The following LIN28B variants were observed in gnomAD, a reference collection of about 807,000 sequenced individuals.
The protein encoded by LIN28B is lin-28 RNA binding posttranscriptional regulator B.
LIN28B carries 5 observed loss-of-function variants against 21.9 expected under a neutral mutation model. The ratio of observed to expected loss-of-function variants is 0.23; its 90% CI spans 0.12 to 0.48. The LOEUF (loss-of-function observed/expected upper bound fraction) is 0.48. Ranked by LOEUF, LIN28B falls within the 20% of genes least tolerant of loss-of-function variation. LIN28B has a pLI of 0.98. For missense variants in LIN28B, 245 were observed against 310.5 expected (o/e 0.79, Z 1.58); for synonymous variants, 109 against 111.3 (o/e 0.98, Z 0.13).
chr6:105,057,424 A>G (rs1370186159), intron 3 of LIN28B, among the ~76,000 whole-genome samples: 1 of 152,196 alleles, frequency 6.6e-6, no homozygotes. Flanking sequence ...TATACCTAAC[A>G]TGCAGCTCAT....
rs1442291973 is a variant in LIN28B at position 105,026,376 on chromosome 6, G to A, written c.277G>A (p.Gly93Ser). ...VEFTFKKSSK[G>S]LESIRVTGPG... ...ATTCACATTTAAAAAATCTTCCAAA[G>A]GCCTTGAGTCAATACGGGTAACAGG... is the stretch of plus-strand genomic sequence containing the variant. The change falls in exon 3 of 4, where the codon GGC (glycine) becomes AGC (serine). Residue 93 changes from glycine to serine, a missense_variant. Coordinates refer to ENST00000345080, the MANE Select transcript of LIN28B (RefSeq NM_001004317.4). 6.2e-7 allele frequency: 1 copy of A among 1,611,774 alleles called. No homozygotes were observed.
chr6:104,943,958 G>A lies in LIN28B; in HGVS notation c.19-6503G>A, dbSNP rs148080991. Among the ~76,000 whole-genome samples, 52 of 152,126 alleles carry A rather than the reference G, an allele frequency of 3.4e-4. No homozygotes were observed. The East Asian group carries it at 8.5e-3, about 25-fold the overall frequency. Reference sequence around the variant, plus strand: ...TTGTATACATGTACATTATTGTGTTGGATTTCTCTGACACAATGATGCTCG... The same window carrying A: ...TTGTATACATGTACATTATTGTGTTAGATTTCTCTGACACAATGATGCTCG... On this transcript the variant is annotated intron_variant, in intron 2 of 5. Coordinates refer to the LIN28B transcript ENST00000635857.
intron 2 of LIN28B, among the ~76,000 whole-genome samples, chr6:104,991,341 C>T (rs1326680391): frequency 4.1e-5 from 6 of 147,084 alleles, no homozygotes; most frequent in Admixed American, 6.8e-5. Flanking sequence ...TCAGAGTGGG[C>T]GGCCGGGCAG....
intron 2 of LIN28B, among the ~76,000 whole-genome samples, chr6:104,946,449 T>A (rs934955591): frequency 6.6e-6 from 1 of 152,122 alleles, no homozygotes; most frequent in Non-Finnish European, 1.5e-5. Flanking sequence ...ATAATTACAG[T>A]AAGGTTTGTA....
At chr6:104,971,382 G>T in intron 2 of LIN28B, among the ~76,000 whole-genome samples, 1 of 151,756 alleles carries the variant, frequency 6.6e-6, no homozygotes, top group South Asian at 2.1e-4. Context: ...AATGATATTT[G>T]GTCATATGAT....
chr6:105,053,900 C>T lies in LIN28B; in HGVS notation c.384-24514C>T, dbSNP rs146383794. Among the ~76,000 whole-genome samples, 534 of 152,196 alleles carry T rather than the reference C, an allele frequency of 3.5e-3. 5 individuals are homozygous for T. Among genetic ancestry groups the T allele is most frequent in the African/African-American group, 0.012 (508 of 41,532 alleles). On this transcript the variant is annotated intron_variant, in intron 3 of 3. Transcript: ENST00000345080. ...CTGGGTTTATGGGCACCTGCCACCACGCCCAGCTAATTTCTGTATTTTTAG... is the reference window on the plus strand; with the variant it reads ...CTGGGTTTATGGGCACCTGCCACCATGCCCAGCTAATTTCTGTATTTTTAG...
chr6:105,018,614 C>T (rs1771076307), intron 2 of LIN28B, among the ~76,000 whole-genome samples: 1 of 152,032 alleles, frequency 6.6e-6, no homozygotes, highest in Admixed American at 6.6e-5. Context: ...TTATGTATTC[C>T]CTTTCCCTGG....
upstream of LIN28B, among the ~76,000 whole-genome samples, chr6:104,952,969 G>T (rs1333828563): frequency 1.3e-5 from 2 of 152,158 alleles, no homozygotes; most frequent in African/African-American, 4.8e-5. Flanking sequence ...ACTATATTCT[G>T]AAGTGCCTCT....
Position 105,005,690 on chromosome 6 carries a change from G to A in LIN28B, c.199-20608G>A, listed in dbSNP as rs184042768. Among the ~76,000 whole-genome samples the A allele has an allele frequency of 3.3e-5, 5 of 152,036 alleles. No individual in the cohort carries two copies. The East Asian group carries it at 9.6e-4, about 29-fold the overall frequency. ...CTGCCATGACTGTAAGTTTCTTAAG[G>A]CCTCCCACTCATGCTTCCTGTGAAG... On this transcript the variant is annotated intron_variant, in intron 2 of 3. Transcript: ENST00000345080.
rs2114429808 is a variant in LIN28B, at chr6:105,079,885, A to G, written c.*1102A>G. 6.6e-6 allele frequency: 1 copy of G among 152,312 alleles called. No homozygotes were observed. The highest frequency in any genetic ancestry group is 1.5e-5 in the Non-Finnish European group (1 of 68,030). The allele number at this position is 152,312 out of a possible 1,614,324, so 9.4% of individuals were successfully genotyped here. A position where few individuals can be genotyped will look rare whatever the true frequency, so the allele number is the denominator to read the frequency against. On this transcript the variant is annotated 3_prime_UTR_variant, in exon 4 of 4. Coordinates refer to ENST00000345080, the MANE Select transcript of LIN28B (RefSeq NM_001004317.4). ...GAATTAAATACTGGGGTTGAGAATTAAAATTAAGTGGATGTTCACAGTTGC... is the reference window on the plus strand; with the variant it reads ...GAATTAAATACTGGGGTTGAGAATTGAAATTAAGTGGATGTTCACAGTTGC...
chr6:104,966,840 C>T (rs1769870441), intron 2 of LIN28B, among the ~76,000 whole-genome samples: 2 of 152,122 alleles, frequency 1.3e-5, no homozygotes, highest in Non-Finnish European at 2.9e-5. Flanking sequence ...CCAGGATGGT[C>T]TCAATCTCCT....
chr6:104,957,333 C>A, intron 1 of LIN28B, 73 bp downstream of exon 1: 1 of 940,384 alleles, frequency 1.1e-6, no homozygotes, highest in East Asian at 2.7e-5. Context: ...CTCTCCCACC[C>A]TTCTTAGACC....
At chr6:105,070,592 C>CCCCACACACA (rs1772311846) in intron 3 of LIN28B, among the ~76,000 whole-genome samples, 3 of 92,228 alleles carry the variant, frequency 3.3e-5, no homozygotes, top group Non-Finnish European at 6.3e-5. Context: ...ATCAATAAAA[C>CCCCACACACA]CACACACACA....
At chr6:104,939,812 C>T (rs989436035) in intron 2 of LIN28B, among the ~76,000 whole-genome samples, 2 of 152,088 alleles carry the variant, frequency 1.3e-5, no homozygotes, top group African/African-American at 4.8e-5. Flanking sequence ...GATTACAAGG[C>T]GATATTCGAT....
chr6:105,047,920 T>C (rs1359066045), intron 3 of LIN28B, among the ~76,000 whole-genome samples: 1 of 152,234 alleles, frequency 6.6e-6, no homozygotes, highest in African/African-American at 2.4e-5. Flanking sequence ...GATTTTGGGC[T>C]GAGACGATGT....
At chr6:104,939,201 CAT>C (rs1375632919) in intron 2 of LIN28B, 8 of 152,226 alleles carry the variant, frequency 5.3e-5, no homozygotes, top group African/African-American at 1.9e-4. Flanking sequence ...TCAATGTCCA[CAT>C]CTTTTTCCTC....
intron 2 of LIN28B, among the ~76,000 whole-genome samples, chr6:105,014,444 T>G (rs1283768181): frequency 6.6e-6 from 1 of 152,178 alleles, no homozygotes; most frequent in East Asian, 1.9e-4. Context: ...CTCAGCCTCC[T>G]GCGTAGCTGG....
chr6:104,989,799 C>T (rs1265483254), intron 2 of LIN28B, among the ~76,000 whole-genome samples: 2 of 151,998 alleles, frequency 1.3e-5, no homozygotes, highest in South Asian at 2.1e-4. Flanking sequence ...ACCATGTTGG[C>T]CTGGCTGGTT....
At chr6:104,993,391 T>G (rs1198463427) in intron 2 of LIN28B, among the ~76,000 whole-genome samples, 1 of 151,640 alleles carries the variant, frequency 6.6e-6, no homozygotes, top group African/African-American at 2.4e-5. Context: ...TCACTTGAGC[T>G]CAGGATTTCG....
Sources: allele counts gnomAD v4.1 joint callset (sites outside exome capture counted in the v4.1 genomes callset), GRCh38; gene constraint gnomAD v4.1.1; transcripts MANE v1.5; gene names NCBI Gene and HGNC (gene_info 2026-07-23, HGNC 2026-07-21).